The following TNPO3 variants were observed in gnomAD, a reference collection of about 807,000 sequenced individuals.
TNPO3 encodes transportin 3.
TNPO3 carries 65 observed loss-of-function variants against 122.8 expected under a neutral mutation model. The observed-to-expected ratio is 0.53, with a 90% CI of 0.43 to 0.65. TNPO3 has a LOEUF of 0.65. Among genes scored for constraint, TNPO3 ranks in the 30% least tolerant of loss-of-function variants. The pLI is 0.00. For synonymous variants in TNPO3, 372 were observed against 411.2 expected, an observed-to-expected ratio of 0.90 and a Z score of 1.15; for missense variants, 850 against 1,136.7, an observed-to-expected ratio of 0.75 and a Z score of 3.63.
At position 129,054,643 on chromosome 7, in the gene TNPO3, C is replaced by A; in HGVS notation, c.120+8G>T. ...TGCGGCACAGAACTGCCTCTCTGGGCCCCTCACCGAACGCTGCAGCTCCCC... is the reference window on the plus strand; with the variant it reads ...TGCGGCACAGAACTGCCTCTCTGGGACCCTCACCGAACGCTGCAGCTCCCC... On this transcript the variant is annotated splice_region_variant and intron_variant, in intron 1 of 22. Transcript: ENST00000265388. 6.2e-7 allele frequency: 1 copy of A among 1,613,474 alleles called. No homozygotes were observed. Among genetic ancestry groups the A allele is most frequent in the Non-Finnish European group, 8.5e-7 (1 of 1,179,990 alleles).
chr7:129,051,147 A>T (rs1487798424), intron 1 of TNPO3, among the ~76,000 whole-genome samples: 3 of 63,992 alleles, frequency 4.7e-5, no homozygotes, highest in Non-Finnish European at 1.5e-4. Flanking sequence ...CAAAATGTTA[A>T]AAAAAAAAAG....
chr7:128,979,307 C>T (rs968977796), intron 15 of TNPO3, among the ~76,000 whole-genome samples, 184 bp from the exon 16 acceptor site: 3 of 152,230 alleles, frequency 2.0e-5, no homozygotes, highest in Non-Finnish European at 4.4e-5. Context: ...TATCACTTAA[C>T]AAGAGAAAAC....
At position 128,979,861 on chromosome 7, in the gene TNPO3, T is replaced by C. The variant is rs1418038345; in HGVS notation, c.1920+110A>G. 6.2e-6 allele frequency: 6 copies of C among 960,804 alleles called. No homozygotes were observed. In the African/African-American group the frequency reaches 8.1e-5, roughly 13 times the overall value. The allele number at this position is 960,804 out of a possible 1,614,324, so 59.5% of individuals were successfully genotyped here. The stretch of plus-strand genomic sequence containing the variant: ...TTTCATTGAAACCACATCAACAAAC[T>C]GAATCTCCCTATGAACTTGGAAGAC... On this transcript the variant is annotated intron_variant, in intron 15 of 22. Transcript: ENST00000265388.
chr7:128,978,884 G>A (rs762588362), intron 16 of TNPO3, 99 bp downstream of exon 16: 10 of 1,428,636 alleles, frequency 7.0e-6, no homozygotes, highest in Non-Finnish European at 9.5e-6. Context: ...CACCTGCATA[G>A]GCCTCCCAAA....
intron 1 of TNPO3, among the ~76,000 whole-genome samples, chr7:129,042,242 G>A (rs74414178): frequency 0.046 from 7,065 of 152,256 alleles, 543 homozygotes; most frequent in African/African-American, 0.16. Flanking sequence ...TAACATAAGT[G>A]TCAGGTTGCT....
intron 1 of TNPO3, among the ~76,000 whole-genome samples, chr7:129,026,394 ATTTT>A (rs969403916): frequency 2.1e-5 from 2 of 94,714 alleles, no homozygotes; most frequent in African/African-American, 4.5e-5. Context: ...TGACGTTTGA[ATTTT>A]TTTTTTTTTT....
intron 20 of TNPO3, among the ~76,000 whole-genome samples, chr7:128,969,728 G>A (rs1366879372): frequency 6.6e-6 from 1 of 152,194 alleles, no homozygotes; most frequent in Non-Finnish European, 1.5e-5. Flanking sequence ...TGACAATTAT[G>A]TGCTTCCAAA....
rs758362311 is a variant in TNPO3 at position 129,005,067 on chromosome 7, G to C, written c.645C>G (p.Asp215Glu). The C allele has an allele frequency of 1.2e-6, 2 of 1,613,972 alleles. No individual in the cohort carries two copies. Among genetic ancestry groups the C allele is most frequent in the Non-Finnish European group, 1.7e-6 (2 of 1,179,922 alleles). ...ATTTATTGTTAGCCATGAAGTTACT[G>C]TCCAAAACTCCCAAGTTAAACCAAC... ...LGSWFNLGVL[D>E]SNFMANNKLL... Residue 215 changes from aspartate to glutamate, a missense_variant, in exon 5 of 23, where the codon GAC (aspartate) becomes GAG (glutamate). By Grantham distance (45) the Asp-to-Glu change is conservative. Transcript: ENST00000265388.
chr7:128,955,905 T>A (rs1185298843), intron 22 of TNPO3, among the ~76,000 whole-genome samples: 1 of 152,218 alleles, frequency 6.6e-6, no homozygotes, highest in Non-Finnish European at 1.5e-5. Context: ...CACGAATAAC[T>A]GTCAGGCAAA....
chr7:129,020,754 A>G (rs969757470), intron 1 of TNPO3, among the ~76,000 whole-genome samples: 2 of 152,274 alleles, frequency 1.3e-5, no homozygotes, highest in Non-Finnish European at 2.9e-5. Flanking sequence ...ATATTTTTAA[A>G]TAGCAAAAAG....
intron 10 of TNPO3, among the ~76,000 whole-genome samples, chr7:128,991,039 C>T (rs1011144753): frequency 2.6e-5 from 4 of 152,068 alleles, no homozygotes; most frequent in African/African-American, 7.2e-5. Flanking sequence ...AGTCAATTAA[C>T]GAAGACTATC....
At chr7:128,974,994 C>T in intron 17 of TNPO3, 32 bp from the exon 18 acceptor site, 2 of 1,575,012 alleles carry the variant, frequency 1.3e-6, no homozygotes, top group Non-Finnish European at 1.7e-6. Flanking sequence ...AAAAGAAATG[C>T]TTTTTCAGAA....
rs760400123 is a variant in TNPO3, at chr7:128,989,942, G to A, written c.1498+19C>T. The A allele has an allele frequency of 1.5e-5, 24 of 1,605,004 alleles. No homozygotes were observed. Among genetic ancestry groups the A allele is most frequent in the Non-Finnish European group, 2.0e-5 (24 of 1,172,202 alleles). ...AAAATGACAAGTTAGAAGTGGCAGA[G>A]GAGAGAGATTACACATACCAAGGAA... On this transcript the variant is annotated intron_variant, in intron 11 of 22. Transcript: ENST00000265388.
At chr7:128,996,909 T>A (rs1328215011) in intron 8 of TNPO3, among the ~76,000 whole-genome samples, 1 of 152,194 alleles carries the variant, frequency 6.6e-6, no homozygotes, top group Non-Finnish European at 1.5e-5. Context: ...CATGGGTTTA[T>A]AATTTTTACT....
At chr7:128,984,408 TTTG>T in intron 12 of TNPO3, 149 bp from the exon 13 acceptor site, 1 of 514,452 alleles carries the variant, frequency 1.9e-6, no homozygotes, top group South Asian at 3.3e-5. Flanking sequence ...ATGACAACAC[TTTG>T]TTATTTACAG....
intron 18 of TNPO3, among the ~76,000 whole-genome samples, chr7:128,973,915 T>C (rs532398767): frequency 1.1e-3 from 162 of 151,420 alleles, no homozygotes; most frequent in African/African-American, 3.5e-3. Context: ...GGCTCACGCC[T>C]GTAATCCCAG....
At position 129,054,700 on chromosome 7, in the gene TNPO3, G is replaced by A; in HGVS notation, c.71C>T (p.Pro24Leu). 1.2e-6 allele frequency: 2 copies of A among 1,614,200 alleles called. No homozygotes were observed. Among genetic ancestry groups the A allele is most frequent in the Non-Finnish European group, 1.7e-6 (2 of 1,180,028 alleles). ...AAAAGAGGCGCGCTCCTTTCCGCTGGGATCTGGGTCGTGGTAAAGCGCCTG... is the reference window on the plus strand; with the variant it reads ...AAAAGAGGCGCGCTCCTTTCCGCTGAGATCTGGGTCGTGGTAAAGCGCCTG... Reference protein sequence around the residue: ...AVQALYHDPDPSGKERASFWL... With the variant: ...AVQALYHDPDLSGKERASFWL... Residue 24 changes from proline (P) to leucine (L), a missense_variant, in exon 1 of 23, where the codon CCC becomes CTC. Physicochemically the swap from Pro to Leu is moderately conservative, Grantham distance 98. Transcript: ENST00000265388.
chr7:128,988,794 T>C (rs1010305390), intron 11 of TNPO3, among the ~76,000 whole-genome samples: 15 of 152,050 alleles, frequency 9.9e-5, no homozygotes, highest in Admixed American at 2.6e-4. Context: ...AAATAGTATG[T>C]TGGGCCAGGC....
In TNPO3 at chr7:129,013,158, T is replaced by G. The variant is rs533511582; in HGVS notation, c.552+1821A>C. On this transcript the variant is annotated intron_variant, in intron 4 of 22. Coordinates refer to ENST00000265388, the MANE Select transcript of TNPO3 (RefSeq NM_012470.4). The stretch of plus-strand genomic sequence containing the variant: ...AATCAAATCAAAATGGATTAAAGAC[T>G]TAAATGTAAGATGTGAACTATAAAA... Among the ~76,000 whole-genome samples the G allele has an allele frequency of 5.3e-5, 8 of 152,316 alleles. No homozygotes were observed. The South Asian group carries it at 1.7e-3, about 32-fold the overall frequency.
Sources: allele counts gnomAD v4.1 joint callset (sites outside exome capture counted in the v4.1 genomes callset), GRCh38; gene constraint gnomAD v4.1.1; transcripts MANE v1.5; gene names NCBI Gene and HGNC (gene_info 2026-07-23, HGNC 2026-07-21).